PIGL: variants seen among roughly 807,000 people sequenced by gnomAD.
PIGL encodes N-acetylglucosaminyl-phosphatidylinositol de-N-acetylase.
PIGL carries 22 observed loss-of-function variants against 31.1 expected under a neutral mutation model. That is an observed-to-expected ratio of 0.71 (90% CI 0.51 to 1.01). The LOEUF (loss-of-function observed/expected upper bound fraction) is 1.01, where lower values mean the gene tolerates loss of function less well. PIGL is among the 50% of genes least tolerant of loss of function. PIGL has a pLI of 0.00. For synonymous variants in PIGL, 131 were observed against 117.4 expected (o/e 1.12, Z -0.75); for missense variants, 302 against 315.9 (o/e 0.96, Z 0.33).
rs35751075 is a variant in PIGL, at chr17:16,236,788, C to T, written c.335+2718C>T. Among the ~76,000 whole-genome samples, 1,330 of 152,078 alleles carry T rather than the reference C, an allele frequency of 8.7e-3. 4 individuals carry two copies. The highest frequency in any genetic ancestry group is 0.013 in the Non-Finnish European group (917 of 67,978). ...TTCACCATGTTGGTCAGGCTGGTCT[C>T]GAACTCCTGACCTCAGGTGACCTGC... is the stretch of plus-strand genomic sequence containing the variant. On this transcript the variant is annotated intron_variant, in intron 2 of 6. Coordinates refer to ENST00000225609, the MANE Select transcript of PIGL (RefSeq NM_004278.4).
chr17:16,222,284 T>C (rs902171906), intron 1 of PIGL, among the ~76,000 whole-genome samples: 6 of 151,934 alleles, frequency 3.9e-5, no homozygotes, highest in African/African-American at 1.2e-4. Context: ...TCTTTTGAGC[T>C]GGACTTTAAA....
At chr17:16,320,370 G>A (rs1041369109) in intron 6 of PIGL, among the ~76,000 whole-genome samples, 3 of 137,196 alleles carry the variant, frequency 2.2e-5, no homozygotes, top group African/African-American at 5.5e-5. Context: ...GGAAGAGAGA[G>A]AGGAAAGAAG....
intron 6 of PIGL, among the ~76,000 whole-genome samples, chr17:16,321,180 C>T (rs1039945613): frequency 2.0e-5 from 3 of 150,218 alleles, no homozygotes; most frequent in Admixed American, 6.6e-5. Flanking sequence ...TCAAATGATC[C>T]GCTCCCCTCT....
At chr17:16,241,443 C>T (rs1047326817) in intron 2 of PIGL, among the ~76,000 whole-genome samples, 3 of 151,342 alleles carry the variant, frequency 2.0e-5, no homozygotes, top group African/African-American at 7.3e-5. Context: ...ACAAAATTAG[C>T]CGTGTGTGGT....
intron 2 of PIGL, among the ~76,000 whole-genome samples, chr17:16,272,636 C>T (rs1031075215): frequency 6.6e-6 from 1 of 152,168 alleles, no homozygotes; most frequent in African/African-American, 2.4e-5. Flanking sequence ...ATTGAAGCTC[C>T]TCTTTCCAGA....
intron 3 of PIGL, among the ~76,000 whole-genome samples, chr17:16,308,988 G>A (rs1042346991): frequency 3.3e-5 from 5 of 151,986 alleles, no homozygotes; most frequent in African/African-American, 1.2e-4. Flanking sequence ...ACAAGGTCTC[G>A]CCATATTGCC....
chr17:16,312,116 G>A (rs1340141375), intron 3 of PIGL, among the ~76,000 whole-genome samples: 4 of 146,332 alleles, frequency 2.7e-5, no homozygotes, highest in South Asian at 2.1e-4. Context: ...CGGAGGGGGC[G>A]GCTGGCCGGG....
intron 3 of PIGL, chr17:16,312,745 C>A (rs7219810): frequency 0.046 from 7,330 of 158,798 alleles, 213 homozygotes; most frequent in African/African-American, 0.085. Context: ...ACAGCGAAAC[C>A]CCGTCTCCAC....
intron 6 of PIGL, among the ~76,000 whole-genome samples, chr17:16,319,755 CAAAA>C (rs56080514): frequency 2.5e-5 from 2 of 78,700 alleles, no homozygotes; most frequent in Non-Finnish European, 5.3e-5. Context: ...ACTCCGTCTC[CAAAA>C]AAAAAAAAAA....
At chr17:16,221,706 G>A (rs560419300) in intron 1 of PIGL, among the ~76,000 whole-genome samples, 2 of 152,098 alleles carry the variant, frequency 1.3e-5, no homozygotes, top group East Asian at 1.9e-4. Context: ...TGCAACCTCC[G>A]CCTCCTGGGT....
chr17:16,266,909 G>A (rs866236448), intron 2 of PIGL, among the ~76,000 whole-genome samples: 3 of 120,248 alleles, frequency 2.5e-5, no homozygotes, highest in African/African-American at 3.5e-5. Context: ...TTTTTTTTGG[G>A]GGGGGGGGGG....
At chr17:16,296,748 G>A (rs892617158) in intron 2 of PIGL, among the ~76,000 whole-genome samples, 4 of 150,520 alleles carry the variant, frequency 2.7e-5, no homozygotes, top group Admixed American at 1.3e-4. Context: ...TTGAAGTCTC[G>A]CTCTGTTGCC....
chr17:16,256,726 G>T (rs570668252), intron 2 of PIGL, among the ~76,000 whole-genome samples: 2 of 150,078 alleles, frequency 1.3e-5, no homozygotes, highest in Non-Finnish European at 3.0e-5. Context: ...TTTGAGACAG[G>T]GTATCACTCT....
At chr17:16,324,881 AACG>A (rs2093120631) in intron 6 of PIGL, among the ~76,000 whole-genome samples, 1 of 152,178 alleles carries the variant, frequency 6.6e-6, no homozygotes, top group Admixed American at 6.5e-5. Context: ...AGAAGATAGG[AACG>A]ACAACTCACA....
At chr17:16,317,221 CGTAA>C in intron 5 of PIGL, 1 of 1,005,144 alleles carries the variant, frequency 9.9e-7, no homozygotes, top group Non-Finnish European at 1.2e-6. Flanking sequence ...TGAATGAAAA[CGTAA>C]GTAGTTTGTG....
At chr17:16,261,531 T>C (rs2092819239) in intron 2 of PIGL, among the ~76,000 whole-genome samples, 1 of 152,094 alleles carries the variant, frequency 6.6e-6, no homozygotes, top group South Asian at 2.1e-4. Context: ...TCATCAGGGA[T>C]TGATATTCAG....
chr17:16,279,221 G>A (rs1188419358), intron 2 of PIGL, among the ~76,000 whole-genome samples: 1 of 152,248 alleles, frequency 6.6e-6, no homozygotes, highest in East Asian at 1.9e-4. Context: ...GCCCAAGAAA[G>A]AATTCAAGGC....
intron 2 of PIGL, among the ~76,000 whole-genome samples, chr17:16,297,325 C>T (rs1232882312): frequency 1.3e-5 from 2 of 152,164 alleles, no homozygotes; most frequent in Non-Finnish European, 2.9e-5. Context: ...GAGCAGATCC[C>T]AGTTCTCTGA....
intron 2 of PIGL, among the ~76,000 whole-genome samples, chr17:16,269,042 G>A (rs760566404): frequency 1.3e-5 from 2 of 152,164 alleles, no homozygotes; most frequent in African/African-American, 2.4e-5. Flanking sequence ...GATTACATGC[G>A]TAAGCAACCA....
Sources: allele counts gnomAD v4.1 joint callset (sites outside exome capture counted in the v4.1 genomes callset), GRCh38; gene constraint gnomAD v4.1.1; transcripts MANE v1.5; gene names NCBI Gene and HGNC (gene_info 2026-07-23, HGNC 2026-07-21).